Variants in PPFIA4 observed in about 807,000 individuals in gnomAD.
The protein encoded by PPFIA4 is PPFI scaffold protein A4, also known as liprin-alpha-4.
A neutral mutation model predicts 145.7 loss-of-function variants in PPFIA4; 98 were observed. The ratio of observed to expected loss-of-function variants is 0.67; its 90% CI spans 0.57 to 0.80. The LOEUF is 0.80. Ranked by LOEUF, PPFIA4 falls within the 30% of genes least tolerant of loss-of-function variation. PPFIA4 has a pLI of 0.00. For synonymous variants in PPFIA4, 628 were observed against 649.6 expected (o/e 0.97, Z 0.51); for missense variants, 1,457 against 1,632.7 (o/e 0.89, Z 1.85).
At chr1:203,044,654 C>A in intron 5 of PPFIA4, 42 bp from the exon 6 acceptor site, 1 of 1,517,024 alleles carries the variant, frequency 6.6e-7, no homozygotes, top group Non-Finnish European at 8.9e-7. Flanking sequence ...ATGGGAGGTT[C>A]TCTTCTCTTT....
At position 203,055,364 on chromosome 1, in the gene PPFIA4, G is replaced by T. The variant is rs1660855095; in HGVS notation, c.1830-68G>T. 6.3e-7 allele frequency: 1 copy of T among 1,599,190 alleles called. No individual in the cohort carries two copies. The highest frequency in any genetic ancestry group is 8.6e-7 in the Non-Finnish European group (1 of 1,168,522). On this transcript the variant is annotated intron_variant, in intron 15 of 29. Coordinates refer to ENST00000295706, the MANE Select transcript of PPFIA4 (RefSeq NM_001304331.2). This position sits in a 1 kb window ranked among gnomAD's most constrained non-coding sequence, Gnocchi z 4.8. ...GTCCTTGGTGGCGAGTGCAGGCATC[G>T]ACCCGCACTGCCTCCTGCTGGTCCT... is the stretch of plus-strand genomic sequence containing the variant.
At chr1:203,054,707 C>T (rs902627936) in intron 15 of PPFIA4, among the ~76,000 whole-genome samples, 2 of 150,696 alleles carry the variant, frequency 1.3e-5, no homozygotes, top group Non-Finnish European at 3.0e-5. Flanking sequence ...CACACATACA[C>T]ACACAGAGAG....
At position 203,043,404 on chromosome 1, in the gene PPFIA4, C is replaced by G. The variant is rs996013336; in HGVS notation, c.242C>G (p.Ala81Gly). 9 of 1,608,576 alleles carry G rather than the reference C, an allele frequency of 5.6e-6. No individual in the cohort carries two copies. Among genetic ancestry groups the G allele is most frequent in the Non-Finnish European group, 7.6e-6 (9 of 1,177,984 alleles). The change falls in exon 3 of 30, where the codon GCC (alanine) becomes GGC (glycine). Residue 81 changes from alanine (A) to glycine (G), a missense_variant. By Grantham distance (60) the Ala-to-Gly change is moderately conservative. Transcript: ENST00000295706. This position sits in a 1 kb window ranked among gnomAD's most constrained non-coding sequence, Gnocchi z 4.4. ...HLNSALPQEFATLTRELSMCR... is the reference protein window; with the variant it reads ...HLNSALPQEFGTLTRELSMCR... ...GGCCTTGGGGGTTTTCAGGAATTTG[C>G]CACCTTAACCCGGGAGCTGAGCATG...
At chr1:203,049,836 T>C in intron 13 of PPFIA4, 69 bp downstream of exon 13, 1 of 1,338,884 alleles carries the variant, frequency 7.5e-7, no homozygotes, top group Non-Finnish European at 9.9e-7. Flanking sequence ...GGAGACTTCC[T>C]TCCAACAAAA....
At chr1:203,030,640 A>T (rs918043779) in intron 1 of PPFIA4, among the ~76,000 whole-genome samples, 1 of 152,174 alleles carries the variant, frequency 6.6e-6, no homozygotes, top group South Asian at 2.1e-4. Flanking sequence ...TGGAGCTTTC[A>T]TTCTTTCAGT....
At chr1:203,067,923 C>A in intron 26 of PPFIA4, 131 bp downstream of exon 26, 1 of 738,278 alleles carries the variant, frequency 1.4e-6, no homozygotes, top group Non-Finnish European at 2.3e-6. Flanking sequence ...GCAGCCTCAC[C>A]TTAGGGAGCT....
chr1:203,031,708 T>C (rs1558060053), intron 1 of PPFIA4, among the ~76,000 whole-genome samples: 1 of 152,236 alleles, frequency 6.6e-6, no homozygotes, highest in Non-Finnish European at 1.5e-5. Context: ...TTGTCCCACA[T>C]GGATCCCTAG....
intron 28 of PPFIA4, among the ~76,000 whole-genome samples, chr1:203,073,197 T>A (rs1662290282): frequency 6.6e-6 from 1 of 152,222 alleles, no homozygotes. Flanking sequence ...TAGGTTATGA[T>A]GCCCATCTTA....
At chr1:203,061,421 A>C in intron 23 of PPFIA4, 1 of 521,114 alleles carries the variant, frequency 1.9e-6, no homozygotes, top group Non-Finnish European at 3.4e-6. Context: ...GCTCCCAGTC[A>C]AGCCTGGGAG....
chr1:203,049,921 C>T (rs1461168992), intron 13 of PPFIA4, among the ~76,000 whole-genome samples, 154 bp downstream of exon 13: 1 of 152,234 alleles, frequency 6.6e-6, no homozygotes, highest in African/African-American at 2.4e-5. Context: ...GTCAGAGTCA[C>T]CCAGCTTACT....
At chr1:203,026,843 G>T (rs1015883396) in intron 1 of PPFIA4, among the ~76,000 whole-genome samples, 1 of 152,208 alleles carries the variant, frequency 6.6e-6, no homozygotes, top group African/African-American at 2.4e-5. Context: ...GAGGATAGGG[G>T]CGATGCCTGA....
At chr1:203,028,726 T>C (rs182935066) in intron 1 of PPFIA4, among the ~76,000 whole-genome samples, 467 of 151,902 alleles carry the variant, frequency 3.1e-3, no homozygotes, top group East Asian at 0.01. Flanking sequence ...CAGGGAGGAC[T>C]GAGGGAGTGA....
intron 15 of PPFIA4, 70 bp downstream of exon 15, chr1:203,054,031 C>T: frequency 4.0e-6 from 6 of 1,500,638 alleles, no homozygotes; most frequent in Non-Finnish European, 5.4e-6. Flanking sequence ...TGGAAAAACC[C>T]TATATGGGTT....
Position 203,055,396 on chromosome 1 carries a change from G to A in PPFIA4, c.1830-36G>A. The A allele has an allele frequency of 6.2e-7, 1 of 1,611,092 alleles. No homozygotes were observed. Among genetic ancestry groups the A allele is most frequent in the Non-Finnish European group, 8.5e-7 (1 of 1,177,488 alleles). On this transcript the variant is annotated intron_variant, in intron 15 of 29. Transcript: ENST00000295706. This position sits in a 1 kb window ranked among gnomAD's most constrained non-coding sequence, Gnocchi z 4.8. ...ACTGCCTCCTGCTGGTCCTGGCTGGGGCTAGTGGTGAGGTCTGGTTTTGCC... is the reference window on the plus strand; with the variant it reads ...ACTGCCTCCTGCTGGTCCTGGCTGGAGCTAGTGGTGAGGTCTGGTTTTGCC...
chr1:203,053,674 G>A (rs533324840), intron 14 of PPFIA4, 79 bp from the exon 15 acceptor site: 3 of 1,204,920 alleles, frequency 2.5e-6, no homozygotes, highest in Admixed American at 4.0e-5. Flanking sequence ...CAGTGCTGGT[G>A]GGTAGAGGTA....
rs780046214 is a variant in PPFIA4, at chr1:203,055,884, C to T, written c.2070+212C>T. On this transcript the variant is annotated intron_variant, in intron 16 of 29. Transcript: ENST00000295706. This position sits in a 1 kb window ranked among gnomAD's most constrained non-coding sequence, Gnocchi z 4.8. Reference sequence around the variant, plus strand: ...CTTTGCCCTCTCCCTTGGATGAGCCCAGACTGCTTAAGAAACTCACCCACT... The same window carrying T: ...CTTTGCCCTCTCCCTTGGATGAGCCTAGACTGCTTAAGAAACTCACCCACT... Among the ~76,000 whole-genome samples, 2 of 152,152 alleles carry T rather than the reference C, an allele frequency of 1.3e-5. No homozygotes were observed. The highest frequency in any genetic ancestry group is 2.9e-5 in the Non-Finnish European group (2 of 68,036).
Position 203,075,641 on chromosome 1 carries a change from A to G in PPFIA4, c.3458A>G (p.His1153Arg). Reference protein sequence around the residue: ...WRKRFRPREHHGRGGMLSASA... With the variant: ...WRKRFRPREHRGRGGMLSASA... ...AAGCGCTTCCGGCCGCGGGAGCACC[A>G]CGGTCGCGGCGGCATGCTCAGCGCT... Residue 1153 changes from histidine to arginine, a missense_variant, in exon 29 of 30, where the codon CAC (histidine) becomes CGC (arginine). Coordinates refer to ENST00000295706, the MANE Select transcript of PPFIA4 (RefSeq NM_001304331.2). The surrounding 1 kb of genome is among the most constrained non-coding windows in gnomAD (Gnocchi z 4.1). 3.3e-6 allele frequency: 5 copies of G among 1,500,884 alleles called. No homozygotes were observed. The South Asian group carries it at 3.9e-5, about 12-fold the overall frequency. The allele number at this position is 1,500,884 out of a possible 1,614,324, so 93.0% of individuals were successfully genotyped here.
chr1:203,055,549 C>T lies in PPFIA4; in HGVS notation c.1947C>T (p.Ile649=), dbSNP rs367876850. 4.3e-6 allele frequency: 7 copies of T among 1,613,922 alleles called. No individual in the cohort carries two copies. The African/African-American group carries it at 9.3e-5, about 22-fold the overall frequency. Reference sequence around the variant, plus strand: ...AGCAGCTGCGCAAGCGTGGTTCCATCCCCACCTCTCTGACGGCCCTGTCCC... The same window carrying T: ...AGCAGCTGCGCAAGCGTGGTTCCATTCCCACCTCTCTGACGGCCCTGTCCC... The part of the protein sequence containing the change: ...NLKQLRKRGS[I]PTSLTALSLA... The change falls in exon 16 of 30, where the codon ATC becomes ATT. Residue 649 remains isoleucine (I), a synonymous_variant. Coordinates refer to ENST00000295706, the MANE Select transcript of PPFIA4 (RefSeq NM_001304331.2). This position sits in a 1 kb window ranked among gnomAD's most constrained non-coding sequence, Gnocchi z 4.8.
chr1:203,047,378 C>T (rs1326162479), intron 9 of PPFIA4, among the ~76,000 whole-genome samples: 3 of 152,178 alleles, frequency 2.0e-5, no homozygotes, highest in Admixed American at 2.0e-4. Flanking sequence ...GGGTTGAAAT[C>T]ACAGCAGAGG....
Sources: gnomAD v4.1 joint callset for allele counts (sites outside exome capture counted in the v4.1 genomes callset) on GRCh38, gnomAD v4.1.1 for gene constraint, Gnocchi (gnomAD v3.1) non-coding constraint, MANE v1.5 for transcripts, NCBI Gene and HGNC (gene_info 2026-07-23, HGNC 2026-07-21) for gene names.